COX17: variants seen among roughly 807,000 people sequenced by gnomAD.
COX17 encodes the protein cytochrome c oxidase copper chaperone.
A neutral mutation model predicts 6.3 loss-of-function variants in COX17; 1 was observed. The observed-to-expected ratio is 0.16, with a 90% confidence interval of 0.06 to 0.75. The LOEUF (loss-of-function observed/expected upper bound fraction) is 0.75, where lower values mean the gene tolerates loss of function less well. Ranked by LOEUF, COX17 falls within the 30% of genes least tolerant of loss-of-function variation. The probability of loss-of-function intolerance (pLI) is 0.77; values close to 1 mark genes in which losing one functional copy is unlikely to be tolerated. For missense variants in COX17, 73 were observed against 81.2 expected (o/e 0.90, Z 0.39); for synonymous variants, 26 against 30.5 (o/e 0.85, Z 0.49).
At chr3:119,664,027 C>T (rs1258455112) in intron 3 of COX17, among the ~76,000 whole-genome samples, 2 of 152,168 alleles carry the variant, frequency 1.3e-5, no homozygotes, top group East Asian at 1.9e-4. Context: ...TCAGGACAGA[C>T]TATGTGTTCC....
chr3:119,666,536 A>G (rs994938748), downstream of COX17, among the ~76,000 whole-genome samples: 1 of 152,228 alleles, frequency 6.6e-6, no homozygotes, highest in Non-Finnish European at 1.5e-5. Context: ...CTAAAGAAAT[A>G]AACGCTGGGC....
downstream of COX17, among the ~76,000 whole-genome samples, chr3:119,664,920 T>C (rs1481712236): frequency 6.6e-6 from 1 of 152,240 alleles, no homozygotes; most frequent in Non-Finnish European, 1.5e-5. Flanking sequence ...CTAGTATAGA[T>C]ACTAAAATAG....
intron 1 of COX17, 68 bp from the exon 2 acceptor site, chr3:119,675,301 A>T: frequency 8.9e-7 from 1 of 1,121,180 alleles, no homozygotes; most frequent in Non-Finnish European, 1.4e-6. Flanking sequence ...CATGATAGTG[A>T]TGGGGAGTGA....
chr3:119,676,807 G>A (rs778957967), intron 1 of COX17: 4 of 702,270 alleles, frequency 5.7e-6, no homozygotes, highest in East Asian at 5.4e-5. Flanking sequence ...CTTTATCCAT[G>A]TCTACATCTT....
chr3:119,673,697 G>C (rs944432467), intron 2 of COX17, among the ~76,000 whole-genome samples: 2 of 152,230 alleles, frequency 1.3e-5, no homozygotes, highest in Non-Finnish European at 2.9e-5. Flanking sequence ...AGTAAAGAGG[G>C]AGTGGGGTGA....
rs1224517444 is a variant in COX17, at chr3:119,672,601, C to A, written c.*4+2544G>T. On this transcript the variant is annotated intron_variant, in intron 2 of 2. Transcript: ENST00000261070. ...ATCTTTAAAAATAGTTAATAAAGTACACATACTTTTTAAGAACACACTCCC... is the reference window on the plus strand; with the variant it reads ...ATCTTTAAAAATAGTTAATAAAGTAAACATACTTTTTAAGAACACACTCCC... Among the ~76,000 whole-genome samples the A allele has an allele frequency of 3.9e-5, 6 of 152,234 alleles. No homozygotes were observed. In the South Asian group the frequency reaches 1.2e-3, roughly 32 times the overall value.
chr3:119,677,265 C>A lies in COX17; in HGVS notation c.46G>T (p.Glu16Ter). ...CAGCAGGGCTTCAGCGGCTTCTTCT[C>A]CTGAGACTCAGGCGGGGCAGGGTTT... ...DSNPAPPESQ[E>*]KKPLKPCCAC... Residue 16 changes from glutamate (E) to a stop codon, truncating the protein, a stop_gained, in exon 1 of 3, where the codon GAG becomes TAG. Coordinates refer to ENST00000261070, the MANE Select transcript of COX17 (RefSeq NM_005694.2). LOFTEE classifies it high-confidence loss of function. 1 of 1,612,042 alleles carries A rather than the reference C, an allele frequency of 6.2e-7. No homozygotes were observed. Among genetic ancestry groups the A allele is most frequent in the Non-Finnish European group, 8.5e-7 (1 of 1,179,970 alleles).
intron 1 of COX17, 158 bp downstream of exon 1, chr3:119,677,046 G>T: frequency 1.6e-6 from 1 of 629,934 alleles, no homozygotes; most frequent in East Asian, 2.9e-5. Flanking sequence ...CAGACAGGGA[G>T]GAGGAGTGGG....
chr3:119,677,294 T>G lies in COX17; in HGVS notation c.17A>C (p.Asp6Ala), dbSNP rs1577181418. The change falls in exon 1 of 3, where the codon GAC (aspartate) becomes GCC (alanine). Residue 6 changes from aspartate to alanine, a missense_variant. Transcript: ENST00000261070. The part of the protein sequence containing the change: MPGLV[D>A]SNPAPPESQE... ...AGACTCAGGCGGGGCAGGGTTTGAGTCAACCAGACCCGGCATCTTTCGCGC... is the reference window on the plus strand; with the variant it reads ...AGACTCAGGCGGGGCAGGGTTTGAGGCAACCAGACCCGGCATCTTTCGCGC... The G allele has an allele frequency of 6.2e-7, 1 of 1,611,516 alleles. No individual in the cohort carries two copies. The highest frequency in any genetic ancestry group is 8.5e-7 in the Non-Finnish European group (1 of 1,179,798).
At chr3:119,672,683 T>A (rs992291843) in intron 2 of COX17, among the ~76,000 whole-genome samples, 1 of 152,254 alleles carries the variant, frequency 6.6e-6, no homozygotes, top group African/African-American at 2.4e-5. Context: ...TAAATAACCA[T>A]CTATTCTAAA....
intron 2 of COX17, among the ~76,000 whole-genome samples, chr3:119,673,864 G>A (rs1468009343): frequency 4.6e-5 from 7 of 152,130 alleles, no homozygotes; most frequent in South Asian, 2.1e-4. Flanking sequence ...GAGGCCCACC[G>A]CCCTGTCTGG....
chr3:119,671,912 C>A (rs1431694219), intron 2 of COX17, among the ~76,000 whole-genome samples: 1 of 152,138 alleles, frequency 6.6e-6, no homozygotes, highest in Non-Finnish European at 1.5e-5. Context: ...GATCCAACAC[C>A]CAGTCCTCTT....
At chr3:119,675,878 G>A (rs552482253) in intron 1 of COX17, among the ~76,000 whole-genome samples, 2 of 152,330 alleles carry the variant, frequency 1.3e-5, no homozygotes, top group African/African-American at 4.8e-5. Context: ...AACCCACGTG[G>A]TCTGAGGCAA....
intron 1 of COX17, 170 bp from the exon 2 acceptor site, chr3:119,675,403 C>T: frequency 1.7e-6 from 1 of 573,602 alleles, no homozygotes; most frequent in Non-Finnish European, 3.1e-6. Context: ...TATGATATGC[C>T]CATGCCTATG....
downstream of COX17, among the ~76,000 whole-genome samples, chr3:119,664,829 T>A (rs1193066501): frequency 6.6e-6 from 1 of 152,200 alleles, no homozygotes; most frequent in Admixed American, 6.5e-5. Flanking sequence ...TAGTGTTGGG[T>A]CTGTGATGAA....
rs546191294 is a variant in COX17 at position 119,676,721 on chromosome 3, T to C, written c.107+483A>G. ...CTGTTTGGTCTTAACAAATCTATCA[T>C]AGCCCTTACCACGTCGTATACAAGT... On this transcript the variant is annotated intron_variant, in intron 1 of 2. Coordinates refer to ENST00000261070, the MANE Select transcript of COX17 (RefSeq NM_005694.2). 94 of 656,298 alleles carry C rather than the reference T, an allele frequency of 1.4e-4. 1 individual carries two copies. The highest frequency in any genetic ancestry group is 1.3e-3 in the South Asian group (79 of 60,578). 40.7% of individuals were successfully genotyped at this position (656,298 alleles called of 1,614,324 possible). A position where few individuals can be genotyped will look rare whatever the true frequency, so the allele number is the denominator to read the frequency against.
intron 2 of COX17, among the ~76,000 whole-genome samples, chr3:119,672,514 T>C (rs2053054371): frequency 6.6e-6 from 1 of 152,222 alleles, no homozygotes; most frequent in Non-Finnish European, 1.5e-5. Flanking sequence ...GCCTACAGCT[T>C]ACACAACTGA....
At chr3:119,670,252 A>T (rs2053030805) in intron 2 of COX17, among the ~76,000 whole-genome samples, 1 of 152,104 alleles carries the variant, frequency 6.6e-6, no homozygotes. Context: ...GGCTTCTCAC[A>T]CCTCTCCCAG....
intron 2 of COX17, among the ~76,000 whole-genome samples, chr3:119,674,020 G>T (rs2053072538): frequency 6.6e-6 from 1 of 151,566 alleles, no homozygotes; most frequent in Admixed American, 6.6e-5. Flanking sequence ...CCCGGCTGCT[G>T]CCCCGTCTGG....
Sources: gnomAD v4.1 joint callset for allele counts (sites outside exome capture counted in the v4.1 genomes callset) on GRCh38, gnomAD v4.1.1 for gene constraint, MANE v1.5 for transcripts, NCBI Gene and HGNC (gene_info 2026-07-23, HGNC 2026-07-21) for gene names.